Variants in VSTM2B observed in about 807,000 individuals in gnomAD.
The protein encoded by VSTM2B is V-set and transmembrane domain containing 2B.
In VSTM2B, 24 loss-of-function variants were observed where a neutral mutation model predicts 24.0. The observed-to-expected ratio is 1.00, with a 90% CI of 0.72 to 1.40. VSTM2B has a LOEUF of 1.40. VSTM2B is among the 40% of genes most tolerant of loss of function. The probability of loss-of-function intolerance (pLI) is 0.00; values close to 1 mark genes in which losing one functional copy is unlikely to be tolerated. For synonymous variants in VSTM2B, 226 were observed against 194.4 expected (o/e 1.16, Z -1.35); for missense variants, 399 against 416.4 (o/e 0.96, Z 0.36).
At chr19:29,558,738 G>T (rs1381828513) in intron 4 of VSTM2B, among the ~76,000 whole-genome samples, 2 of 152,160 alleles carry the variant, frequency 1.3e-5, no homozygotes, top group African/African-American at 4.8e-5. Context: ...AGAGCATCAG[G>T]ATAAATAGCT....
Position 29,527,411 on chromosome 19 carries a change from C to A in VSTM2B, c.267+16C>A. The A allele has an allele frequency of 1.3e-6, 2 of 1,503,568 alleles. No individual in the cohort carries two copies. The highest frequency in any genetic ancestry group is 1.8e-6 in the Non-Finnish European group (2 of 1,129,706). The allele number at this position is 1,503,568 out of a possible 1,614,324, so 93.1% of individuals were successfully genotyped here. ...CCGGAGCAAGGTAACCCGCCGCCCA[C>A]GCGGTACCGGCGCGCGCCCGGCTCG... On this transcript the variant is annotated intron_variant, in intron 2 of 4. Coordinates refer to ENST00000335523, the MANE Select transcript of VSTM2B (RefSeq NM_001146339.2).
chr19:29,526,517 T>A lies in VSTM2B; in HGVS notation c.-67T>A. On this transcript the variant is annotated 5_prime_UTR_variant, in exon 1 of 5. Transcript: ENST00000335523. This position sits in a 1 kb window ranked among gnomAD's most constrained non-coding sequence, Gnocchi z 4.1. Reference sequence around the variant, plus strand: ...GCGTCCTAGCCCGAGCCGGAGCCGATCCGAGCCCACGCGGCCGCCGCCTCT... The same window carrying A: ...GCGTCCTAGCCCGAGCCGGAGCCGAACCGAGCCCACGCGGCCGCCGCCTCT... 1 of 1,330,534 alleles carries A rather than the reference T, an allele frequency of 7.5e-7. No homozygotes were observed. Among genetic ancestry groups the A allele is most frequent in the Non-Finnish European group, 1.0e-6 (1 of 1,001,272 alleles). 82.4% of individuals were successfully genotyped at this position (1,330,534 alleles called of 1,614,324 possible).
At chr19:29,563,539 A>T (rs1165581644) in intron 4 of VSTM2B, among the ~76,000 whole-genome samples, 1 of 152,140 alleles carries the variant, frequency 6.6e-6, no homozygotes, top group Non-Finnish European at 1.5e-5. Context: ...AACCACACCC[A>T]GCTCATATCA....
At chr19:29,529,157 G>C (rs1399909134) in intron 3 of VSTM2B, 4 of 983,072 alleles carry the variant, frequency 4.1e-6, no homozygotes, top group Non-Finnish European at 4.8e-6. Flanking sequence ...AGTCCCCACC[G>C]GGGCGCAGGG....
In VSTM2B at chr19:29,544,525, C is replaced by CAA. The variant is rs58540469; in HGVS notation, c.769+14265_769+14266dup. ...TGGGCGAAAGAGCGAGACTCTGTCT[C>CAA]AAAAAAAAAAAAAAAAAAAAAAAAA... On this transcript the variant is annotated intron_variant, in intron 4 of 4. Transcript: ENST00000335523. Among the ~76,000 whole-genome samples, 356 of 54,388 alleles carry CAA rather than the reference C, an allele frequency of 6.5e-3. 48 individuals are homozygous for CAA. Among genetic ancestry groups the CAA allele is most frequent in the East Asian group, 0.029 (39 of 1,360 alleles). 35.7% of individuals were successfully genotyped at this position (54,388 alleles called of 152,430 possible). A position where few individuals can be genotyped will look rare whatever the true frequency, so the allele number is the denominator to read the frequency against.
At chr19:29,533,327 G>A (rs1349994205) in intron 4 of VSTM2B, among the ~76,000 whole-genome samples, 1 of 152,176 alleles carries the variant, frequency 6.6e-6, no homozygotes, top group Non-Finnish European at 1.5e-5. Context: ...ATCCCAGCGG[G>A]GCTGACAGCA....
chr19:29,530,284 G>T lies in VSTM2B; in HGVS notation c.763G>T (p.Gly255Cys), dbSNP rs997804582. Residue 255 changes from glycine (G) to cysteine (C), a missense_variant, in exon 4 of 5, where the codon GGC becomes TGC. By Grantham distance (159) the Gly-to-Cys change is radical. Transcript: ENST00000335523. ...GQAVLLRQRH[G>C]SGTGRSYTTD... The stretch of plus-strand genomic sequence containing the variant: ...GGCGGTCCTGCTGCGCCAGAGGCAC[G>T]GCTCGGGTAAGGGATCGCGGAGAGG... 1.3e-6 allele frequency: 2 copies of T among 1,494,428 alleles called. No individual in the cohort carries two copies. Among genetic ancestry groups the T allele is most frequent in the Non-Finnish European group, 8.9e-7 (1 of 1,128,628 alleles). 92.6% of individuals were successfully genotyped at this position (1,494,428 alleles called of 1,614,324 possible).
chr19:29,563,156 T>C (rs1970573919), intron 4 of VSTM2B, among the ~76,000 whole-genome samples: 1 of 151,816 alleles, frequency 6.6e-6, no homozygotes, highest in Admixed American at 6.6e-5. Flanking sequence ...TTGTGTGGGA[T>C]CGTGTAGCCT....
chr19:29,529,947 C>T lies in VSTM2B; in HGVS notation c.426C>T (p.Ala142=). The change falls in exon 4 of 5, where the codon GCC becomes GCT. Residue 142 remains alanine, a synonymous_variant. Coordinates refer to ENST00000335523, the MANE Select transcript of VSTM2B (RefSeq NM_001146339.2). ...YSDDDTQEHK[A]QAMLRVLSRF... ...ACGACGACACGCAGGAGCACAAGGC[C>T]CAGGCGATGCTGCGCGTGCTCTCGC... 1 of 1,549,350 alleles carries T rather than the reference C, an allele frequency of 6.5e-7. No individual in the cohort carries two copies. Among genetic ancestry groups the T allele is most frequent in the Non-Finnish European group, 8.7e-7 (1 of 1,146,730 alleles).
chr19:29,529,693 G>A, intron 3 of VSTM2B, 126 bp from the exon 4 acceptor site: 2 of 959,078 alleles, frequency 2.1e-6, no homozygotes, highest in Non-Finnish European at 3.1e-6. Context: ...GCCGGATCGT[G>A]ATGGTGGGCA....
chr19:29,543,853 T>C (rs1970081360), intron 4 of VSTM2B, among the ~76,000 whole-genome samples: 1 of 152,118 alleles, frequency 6.6e-6, no homozygotes, highest in Admixed American at 6.5e-5. Context: ...GCCATCTACA[T>C]AATGGGCACA....
intron 4 of VSTM2B, among the ~76,000 whole-genome samples, chr19:29,557,576 G>A (rs1599907924): frequency 1.3e-5 from 2 of 152,070 alleles, no homozygotes; most frequent in African/African-American, 4.8e-5. Flanking sequence ...GTGGATGCCT[G>A]TAATCCCAGC....
At chr19:29,532,029 C>T (rs1308199897) in intron 4 of VSTM2B, among the ~76,000 whole-genome samples, 3 of 152,184 alleles carry the variant, frequency 2.0e-5, no homozygotes, top group Admixed American at 6.5e-5. Context: ...AGAATTAAGC[C>T]CTAATACTCT....
Position 29,536,971 on chromosome 19 carries a change from G to A in VSTM2B, c.769+6681G>A, listed in dbSNP as rs890176569. Among the ~76,000 whole-genome samples the A allele has an allele frequency of 5.3e-5, 8 of 152,214 alleles. No individual in the cohort carries two copies. In the East Asian group the frequency reaches 1.5e-3, roughly 29 times the overall value. ...CCCCTGAGCTTTCTGGAAGATGCCA[G>A]CATGGTTTTAAGACATTTTTGCAGC... On this transcript the variant is annotated intron_variant, in intron 4 of 4. Coordinates refer to ENST00000335523, the MANE Select transcript of VSTM2B (RefSeq NM_001146339.2).
At chr19:29,527,696 G>A (rs1439112927) in intron 2 of VSTM2B, among the ~76,000 whole-genome samples, 1 of 152,188 alleles carries the variant, frequency 6.6e-6, no homozygotes, top group African/African-American at 2.4e-5. Flanking sequence ...GCGGCCCTCT[G>A]ATGGGTGCTG....
chr19:29,555,074 A>G (rs991786963), intron 4 of VSTM2B, among the ~76,000 whole-genome samples: 1 of 152,176 alleles, frequency 6.6e-6, no homozygotes, highest in Non-Finnish European at 1.5e-5. Flanking sequence ...ATACATAGCT[A>G]CAGAAGTCTC....
chr19:29,556,147 A>G (rs1475717073), intron 4 of VSTM2B, among the ~76,000 whole-genome samples: 1 of 149,346 alleles, frequency 6.7e-6, no homozygotes, highest in Non-Finnish European at 1.5e-5. Flanking sequence ...CCTGATGAAC[A>G]TCGATGCAAA....
In VSTM2B at chr19:29,530,074, G is replaced by A; in HGVS notation, c.553G>A (p.Ala185Thr). ...GPASAANANN[A>T]GAASRTTSEP... The stretch of plus-strand genomic sequence containing the variant: ...AGCCAGCGCCGCCAACGCCAACAAC[G>A]CGGGCGCCGCGAGCCGTACCACCTC... Residue 185 changes from alanine to threonine, a missense_variant, in exon 4 of 5, where the codon GCG becomes ACG. Physicochemically the swap from Ala to Thr is moderately conservative, Grantham distance 58. Coordinates refer to ENST00000335523, the MANE Select transcript of VSTM2B (RefSeq NM_001146339.2). 3 of 1,502,078 alleles carry A rather than the reference G, an allele frequency of 2.0e-6. No homozygotes were observed. The highest frequency in any genetic ancestry group is 2.1e-5 in the Admixed American group (1 of 46,836). The allele number at this position is 1,502,078 out of a possible 1,614,324, so 93.0% of individuals were successfully genotyped here. A position where few individuals can be genotyped will look rare whatever the true frequency, so the allele number is the denominator to read the frequency against.
intron 4 of VSTM2B, among the ~76,000 whole-genome samples, chr19:29,548,078 G>A (rs1568444245): frequency 6.6e-6 from 1 of 152,038 alleles, no homozygotes; most frequent in African/African-American, 2.4e-5. Context: ...GCATAGTGGA[G>A]GCCTGAACTG....
Sources: allele counts gnomAD v4.1 joint callset (sites outside exome capture counted in the v4.1 genomes callset), GRCh38; gene constraint gnomAD v4.1.1; non-coding constraint Gnocchi (gnomAD v3.1); transcripts MANE v1.5; gene names NCBI Gene and HGNC (gene_info 2026-07-23, HGNC 2026-07-21).